Variants in OSBPL1A observed in about 807,000 individuals in gnomAD.
OSBPL1A encodes the protein oxysterol binding protein like 1A.
In OSBPL1A, 80 loss-of-function variants were observed where a neutral mutation model predicts 137.1. The ratio of observed to expected loss-of-function variants is 0.58; its 90% CI spans 0.49 to 0.70. The LOEUF (loss-of-function observed/expected upper bound fraction) is 0.70, where lower values mean the gene tolerates loss of function less well. Among genes scored for constraint, OSBPL1A ranks in the 30% least tolerant of loss-of-function variants. The probability of loss-of-function intolerance (pLI) is 0.00; values close to 1 mark genes in which losing one functional copy is unlikely to be tolerated. For synonymous variants in OSBPL1A, 365 were observed against 389.7 expected, an observed-to-expected ratio of 0.94 and a Z score of 0.75; for missense variants, 970 against 1,129.4, an observed-to-expected ratio of 0.86 and a Z score of 2.02.
chr18:24,204,544 C>T (rs2087314564), intron 17 of OSBPL1A, among the ~76,000 whole-genome samples: 1 of 137,448 alleles, frequency 7.3e-6, no homozygotes. Context: ...GCTTCTCCCA[C>T]CCTAAAGCTG....
chr18:24,273,539 TTC>T (rs1380948938), intron 15 of OSBPL1A, among the ~76,000 whole-genome samples: 1 of 152,216 alleles, frequency 6.6e-6, no homozygotes, highest in African/African-American at 2.4e-5. Context: ...TATTCATTTG[TTC>T]AAGGTCGAGG....
At chr18:24,198,288 G>C (rs2087098644) in intron 17 of OSBPL1A, among the ~76,000 whole-genome samples, 1 of 152,158 alleles carries the variant, frequency 6.6e-6, no homozygotes, top group Non-Finnish European at 1.5e-5. Flanking sequence ...CAAATATCTT[G>C]GAGGCAGAAG....
At chr18:24,394,128 T>C (rs1364197057) in intron 1 of OSBPL1A, among the ~76,000 whole-genome samples, 1 of 152,228 alleles carries the variant, frequency 6.6e-6, no homozygotes, top group South Asian at 2.1e-4. Flanking sequence ...TTATGTGTCA[T>C]CTAATGGTTT....
chr18:24,202,791 C>T (rs556879591), intron 17 of OSBPL1A, among the ~76,000 whole-genome samples: 2 of 152,262 alleles, frequency 1.3e-5, no homozygotes, highest in East Asian at 1.9e-4. Context: ...TACTCCAGAA[C>T]AAAAGGTAAA....
At chr18:24,183,988 A>G (rs1466109950) in intron 18 of OSBPL1A, among the ~76,000 whole-genome samples, 3 of 152,210 alleles carry the variant, frequency 2.0e-5, no homozygotes, top group African/African-American at 7.2e-5. Flanking sequence ...TCCCTCATCA[A>G]TAAGTACTAA....
chr18:24,302,149 G>T (rs1356954101), intron 14 of OSBPL1A, among the ~76,000 whole-genome samples: 1 of 150,766 alleles, frequency 6.6e-6, no homozygotes, highest in Non-Finnish European at 1.5e-5. Flanking sequence ...CAGGAGAATG[G>T]CATGAACACG....
intron 2 of OSBPL1A, among the ~76,000 whole-genome samples, chr18:24,374,184 C>G (rs1321119149): frequency 1.4e-4 from 21 of 152,162 alleles, no homozygotes; most frequent in Non-Finnish European, 2.2e-4. Context: ...TTCTCCATAA[C>G]AAAGATATTT....
At chr18:24,333,910 T>A (rs1440359961) in intron 6 of OSBPL1A, among the ~76,000 whole-genome samples, 1 of 152,206 alleles carries the variant, frequency 6.6e-6, no homozygotes, top group Non-Finnish European at 1.5e-5. Flanking sequence ...TTCAATTGGC[T>A]TAATCACAAA....
chr18:24,345,227 A>G (rs1255064828), intron 4 of OSBPL1A, among the ~76,000 whole-genome samples: 1 of 152,248 alleles, frequency 6.6e-6, no homozygotes, highest in Non-Finnish European at 1.5e-5. Context: ...AAACTGTAGC[A>G]TGCCTCCTCC....
chr18:24,318,860 ACAAT>A, intron 7 of OSBPL1A, 51 bp from the exon 8 acceptor site: 3 of 1,425,364 alleles, frequency 2.1e-6, no homozygotes, highest in Non-Finnish European at 2.9e-6. Flanking sequence ...ATGTACTATG[ACAAT>A]CAATGCTGTA....
chr18:24,231,604 C>T (rs1289551068), intron 16 of OSBPL1A, among the ~76,000 whole-genome samples: 3 of 152,232 alleles, frequency 2.0e-5, no homozygotes, highest in African/African-American at 7.2e-5. Flanking sequence ...CTTTAAAGTT[C>T]TGTCCATGTT....
intron 24 of OSBPL1A, among the ~76,000 whole-genome samples, chr18:24,169,024 T>G (rs1348239130): frequency 6.6e-6 from 1 of 151,938 alleles, no homozygotes; most frequent in Non-Finnish European, 1.5e-5. Context: ...GTGCCGGGGG[T>G]CCCAGAATCC....
chr18:24,333,005 G>A lies in OSBPL1A; in HGVS notation c.562C>T (p.His188Tyr). 1 of 1,614,176 alleles carries A rather than the reference G, an allele frequency of 6.2e-7. No individual in the cohort carries two copies. Among genetic ancestry groups the A allele is most frequent in the Non-Finnish European group, 8.5e-7 (1 of 1,180,018 alleles). The part of the protein sequence containing the change: ...TPLHCAAYRA[H>Y]KQCALKLLRS... ...AGAAGCTTTAAGGCACATTGTTTAT[G>A]GGCCCGGTAAGCTGCACAATGCAAG... Residue 188 changes from histidine (H) to tyrosine (Y), a missense_variant, in exon 7 of 28, where the codon CAT becomes TAT. By Grantham distance (83) the His-to-Tyr change is moderately conservative. This residue lies in a region of OSBPL1A where 647 missense variants were observed against 672.6 expected (regional missense o/e 0.96). Transcript: ENST00000319481.
intron 17 of OSBPL1A, among the ~76,000 whole-genome samples, chr18:24,204,899 G>A (rs955119673): frequency 6.6e-6 from 1 of 151,994 alleles, no homozygotes; most frequent in South Asian, 2.1e-4. Flanking sequence ...TCATTGATTT[G>A]TATGTTTCAG....
At chr18:24,220,970 G>A (rs904763747) in intron 17 of OSBPL1A, among the ~76,000 whole-genome samples, 9 of 152,116 alleles carry the variant, frequency 5.9e-5, no homozygotes, top group East Asian at 1.9e-4. Flanking sequence ...TAGTAGAAAC[G>A]GGGTTTCGCC....
chr18:24,378,817 C>G (rs1906379408), intron 1 of OSBPL1A, among the ~76,000 whole-genome samples: 1 of 152,006 alleles, frequency 6.6e-6, no homozygotes, highest in East Asian at 1.9e-4. Flanking sequence ...GGTTATATTC[C>G]CTAAAGTACA....
At chr18:24,352,330 A>G (rs1486862009) in intron 4 of OSBPL1A, among the ~76,000 whole-genome samples, 1 of 152,120 alleles carries the variant, frequency 6.6e-6, no homozygotes, top group Non-Finnish European at 1.5e-5. Context: ...AGAATGGGAG[A>G]GACAAAGAGC....
At chr18:24,186,903 CAAAAAAAAAAAAAAAA>C (rs57438319) in intron 18 of OSBPL1A, among the ~76,000 whole-genome samples, 5 of 62,628 alleles carry the variant, frequency 8.0e-5, no homozygotes, top group Non-Finnish European at 1.5e-4. Context: ...GACTCTGTCT[CAAAAAAAAAAAAAAAA>C]AAAAAAAAAA....
chr18:24,280,302 G>A (rs188800607), intron 15 of OSBPL1A, among the ~76,000 whole-genome samples: 41 of 152,076 alleles, frequency 2.7e-4, no homozygotes, highest in Non-Finnish European at 4.0e-4. Context: ...GGCTGGTTTC[G>A]AACTCCTGAC....
Sources: allele counts gnomAD v4.1 joint callset (sites outside exome capture counted in the v4.1 genomes callset), GRCh38; gene constraint gnomAD v4.1.1; regional missense constraint gnomAD v4.1.1; transcripts MANE v1.5; gene names NCBI Gene and HGNC (gene_info 2026-07-23, HGNC 2026-07-21).